Variants in NR4A1 observed in about 807,000 individuals in gnomAD.
NR4A1 encodes the protein nuclear receptor subfamily 4 group A member 1.
Under a neutral mutation model 47.5 loss-of-function variants are expected in NR4A1, and 24 were observed. The ratio of observed to expected loss-of-function variants is 0.50; its 90% confidence interval spans 0.37 to 0.71. NR4A1 has a LOEUF of 0.71. Ranked by LOEUF, NR4A1 falls within the 30% of genes least tolerant of loss-of-function variation. The pLI, the probability that NR4A1 is intolerant of heterozygous loss-of-function variation, is 0.00. For missense variants in NR4A1, 669 were observed against 788.6 expected, an observed-to-expected ratio of 0.85 and a Z score of 1.82; for synonymous variants, 353 against 345.7, an observed-to-expected ratio of 1.02 and a Z score of -0.24.
At chr12:52,050,638 G>T (rs1333164541), upstream of NR4A1, among the ~76,000 whole-genome samples, 2 of 152,190 alleles carry the variant, frequency 1.3e-5, no homozygotes, top group African/African-American at 2.4e-5. Flanking sequence ...AGAGCTGTTG[G>T]CCGAGCTTGG....
At position 52,028,454 on chromosome 12, in the gene NR4A1, G is replaced by A. The variant is rs539452353; in HGVS notation, c.-84+5515G>A. Among the ~76,000 whole-genome samples the A allele has an allele frequency of 5.4e-4, 81 of 149,528 alleles. 1 individual carries two copies. Among genetic ancestry groups the A allele is most frequent in the Middle Eastern group, 3.6e-3 (1 of 278 alleles). On this transcript the variant is annotated intron_variant, in intron 1 of 7. Coordinates refer to the NR4A1 transcript ENST00000360284. ...CTGGGCGTGGTGGCTCATGCCTGTA[G>A]TCCCAGCAACTTGGGAGGCTGAGGC...
rs1939399930 is a variant in NR4A1, at chr12:52,058,690, C to T, written c.1543C>T (p.Arg515Trp). The part of the protein sequence containing the change: ...CLSALVLITD[R>W]HGLQEPRRVE... ...CTAATCCTGTACCCTTCCCGCAGAC[C>T]GGCATGGGCTGCAGGAGCCGCGGCG... The change falls in exon 7 of 7, where the codon CGG becomes TGG. Residue 515 changes from arginine to tryptophan, a missense_variant and splice_region_variant. Physicochemically the swap from Arg to Trp is moderately radical, Grantham distance 101. Transcript: ENST00000394825. 3.7e-6 allele frequency: 6 copies of T among 1,600,550 alleles called. No individual in the cohort carries two copies. Among genetic ancestry groups the T allele is most frequent in the Admixed American group, 1.7e-5 (1 of 59,092 alleles).
chr12:52,058,883 A>T lies in NR4A1; in HGVS notation c.1736A>T (p.Glu579Val). 6.2e-7 allele frequency: 1 copy of T among 1,614,080 alleles called. No individual in the cohort carries two copies. ...CAGCGCATCTTCTACCTCAAGCTGG[A>T]GGACTTGGTGCCCCCTCCACCCATC... ...GLQRIFYLKL[E>V]DLVPPPPIID... The change falls in exon 7 of 7, where the codon GAG (glutamate) becomes GTG (valine). Residue 579 changes from glutamate (E) to valine (V), a missense_variant. Glu to Val is a moderately radical substitution (Grantham distance 121). Coordinates refer to ENST00000394825, the MANE Select transcript of NR4A1 (RefSeq NM_173157.3).
intron 1 of NR4A1, among the ~76,000 whole-genome samples, chr12:52,025,474 T>TA (rs1937983337): frequency 6.6e-6 from 1 of 152,106 alleles, no homozygotes; most frequent in Admixed American, 6.5e-5. Flanking sequence ...TTTCCCCGGG[T>TA]AGGGGCCTTT....
At chr12:52,038,622 TC>T in intron 1 of NR4A1, 1 of 705,026 alleles carries the variant, frequency 1.4e-6, no homozygotes. Flanking sequence ...CTAGATCTAC[TC>T]CAAGTGAACA....
upstream of NR4A1, among the ~76,000 whole-genome samples, chr12:52,048,086 G>A (rs569806726): frequency 2.0e-5 from 3 of 151,496 alleles, no homozygotes; most frequent in Admixed American, 6.6e-5. Context: ...CCTGGGAGGC[G>A]GAGCTTGCAG....
chr12:52,052,304 TGA>T (rs1555168682), intron 1 of NR4A1, among the ~76,000 whole-genome samples: 1,305 of 70,430 alleles, frequency 0.019, 12 homozygotes, highest in African/African-American at 0.054. Flanking sequence ...TGTGTGTGTG[TGA>T]GAGAGAGAGA....
upstream of NR4A1, among the ~76,000 whole-genome samples, chr12:52,049,381 A>G (rs1203811573): frequency 6.6e-6 from 1 of 152,236 alleles, no homozygotes; most frequent in Non-Finnish European, 1.5e-5. Context: ...GAGGCTTTAG[A>G]AAGAGGAGAC....
rs945131301 is a variant in NR4A1 at position 52,054,972 on chromosome 12, C to T, written c.644C>T (p.Thr215Ile). 4 of 1,614,112 alleles carry T rather than the reference C, an allele frequency of 2.5e-6. No homozygotes were observed. The highest frequency in any genetic ancestry group is 2.7e-5 in the African/African-American group (2 of 74,938). Residue 215 changes from threonine to isoleucine, a missense_variant, in exon 2 of 7, where the codon ACC becomes ATC. Coordinates refer to ENST00000394825, the MANE Select transcript of NR4A1 (RefSeq NM_173157.3). ...SPLKLFPSQA[T>I]HQLGEGESYS... Reference sequence around the variant, plus strand: ...CTGAAGTTGTTCCCCTCACAGGCCACCCACCAGCTGGGGGAGGGAGAGAGC... The same window carrying T: ...CTGAAGTTGTTCCCCTCACAGGCCATCCACCAGCTGGGGGAGGGAGAGAGC...
At position 52,051,477 on chromosome 12, in the gene NR4A1, T is replaced by C; in HGVS notation, c.-94T>C. 1.0e-6 allele frequency: 1 copy of C among 984,212 alleles called. No homozygotes were observed. The highest frequency in any genetic ancestry group is 1.2e-6 in the Non-Finnish European group (1 of 829,764). 61.0% of individuals were successfully genotyped at this position (984,212 alleles called of 1,614,324 possible). On this transcript the variant is annotated 5_prime_UTR_variant, in exon 1 of 7. Transcript: ENST00000394825. ...GCGGAGGCTACGAAACTTGGGGGAGTGCACAGAAGAACTTCGGGAGCGCAC... is the reference window on the plus strand; with the variant it reads ...GCGGAGGCTACGAAACTTGGGGGAGCGCACAGAAGAACTTCGGGAGCGCAC...
At chr12:52,052,307 G>GAA (rs374901002) in intron 1 of NR4A1, among the ~76,000 whole-genome samples, 26,804 of 138,008 alleles carry the variant, frequency 0.19, 2,818 homozygotes, top group Admixed American at 0.32. Context: ...GTGTGTGTGA[G>GAA]AGAGAGAGAG....
intron 2 of NR4A1, among the ~76,000 whole-genome samples, chr12:52,046,155 C>T (rs1281401077): frequency 6.6e-6 from 1 of 152,170 alleles, no homozygotes; most frequent in Non-Finnish European, 1.5e-5. Context: ...GGGCCCAGCC[C>T]AAGGTGGAGG....
At chr12:52,038,647 A>G in intron 1 of NR4A1, 2 of 738,818 alleles carry the variant, frequency 2.7e-6, no homozygotes, top group South Asian at 2.8e-5. Flanking sequence ...AAGATCAGTG[A>G]CTTGGATGGA....
intron 1 of NR4A1, among the ~76,000 whole-genome samples, chr12:52,023,644 C>T (rs1937935307): frequency 6.6e-6 from 1 of 152,110 alleles, no homozygotes; most frequent in Admixed American, 6.5e-5. Flanking sequence ...CAGACCCTGG[C>T]CCGCCGGTGA....
upstream of NR4A1, among the ~76,000 whole-genome samples, chr12:52,046,855 C>T (rs111903375): frequency 0.045 from 6,863 of 152,006 alleles, 504 homozygotes; most frequent in African/African-American, 0.16. Flanking sequence ...TGGTGGCGGG[C>T]GCTTGTAGTC....
At chr12:52,028,315 C>A (rs1265328131) in intron 1 of NR4A1, among the ~76,000 whole-genome samples, 1 of 151,960 alleles carries the variant, frequency 6.6e-6, no homozygotes, top group Admixed American at 6.6e-5. Context: ...GTGGCTCACG[C>A]CTGTAATCCC....
Position 52,059,055 on chromosome 12 carries a change from A to C in NR4A1, c.*111A>C. ...AAGCCTGGGCTTGAGCTGCAGAATGACTCCACCTTCTCACCTGCTCCAGGA... is the reference window on the plus strand; with the variant it reads ...AAGCCTGGGCTTGAGCTGCAGAATGCCTCCACCTTCTCACCTGCTCCAGGA... On this transcript the variant is annotated 3_prime_UTR_variant, in exon 7 of 7. Coordinates refer to ENST00000394825, the MANE Select transcript of NR4A1 (RefSeq NM_173157.3). 2 of 1,339,720 alleles carry C rather than the reference A, an allele frequency of 1.5e-6. No individual in the cohort carries two copies. Among genetic ancestry groups the C allele is most frequent in the Non-Finnish European group, 2.0e-6 (2 of 996,726 alleles). The allele number at this position is 1,339,720 out of a possible 1,614,324, so 83.0% of individuals were successfully genotyped here.
At chr12:52,039,596 G>GC (rs1188526039) in intron 1 of NR4A1, among the ~76,000 whole-genome samples, 20 of 152,344 alleles carry the variant, frequency 1.3e-4, no homozygotes, top group Admixed American at 1.2e-3. Flanking sequence ...TCCCAGCACA[G>GC]CTCCAATGCA....
chr12:52,051,634 C>G (rs1938950397), intron 1 of NR4A1, 66 bp downstream of exon 1: 12 of 955,738 alleles, frequency 1.3e-5, no homozygotes, highest in Non-Finnish European at 1.5e-5. Flanking sequence ...TGGGTGTACG[C>G]GCGGGCAGAG....
Sources: allele counts gnomAD v4.1 joint callset (sites outside exome capture counted in the v4.1 genomes callset), GRCh38; gene constraint gnomAD v4.1.1; transcripts MANE v1.5; gene names NCBI Gene and HGNC (gene_info 2026-07-23, HGNC 2026-07-21).